SMAD9: variants seen among roughly 807,000 people sequenced by gnomAD.
SMAD9 encodes MAD homolog 9.
In SMAD9, 36 loss-of-function variants were observed where a neutral mutation model predicts 46.1. The ratio of observed to expected loss-of-function variants is 0.78; its 90% CI spans 0.60 to 1.03. The LOEUF is 1.03. Among genes scored for constraint, SMAD9 ranks in the 50% least tolerant of loss-of-function variants. SMAD9 has a pLI of 0.00. For synonymous variants in SMAD9, 245 were observed against 237.1 expected, an observed-to-expected ratio of 1.03 and a Z score of -0.31; for missense variants, 572 against 599.8, an observed-to-expected ratio of 0.95 and a Z score of 0.48.
intron 1 of SMAD9, among the ~76,000 whole-genome samples, chr13:36,884,025 G>A (rs1046956868): frequency 6.6e-6 from 1 of 152,110 alleles, no homozygotes; most frequent in African/African-American, 2.4e-5. Flanking sequence ...TGTCACATGG[G>A]ATCTCAAGAC....
intron 1 of SMAD9, among the ~76,000 whole-genome samples, chr13:36,898,399 C>A (rs2058546874): frequency 6.6e-6 from 1 of 151,814 alleles, no homozygotes. Flanking sequence ...GCAAACAGTT[C>A]CCAAATAATT....
rs2058388118 is a variant in SMAD9 at position 36,879,926 on chromosome 13, A to G, written c.-186-51T>C. Reference sequence around the variant, plus strand: ...TAGCTTAATCGGAGTAACATTCAGAAAAAGTTGAAGTTGGATAGAAAGAGG... The same window carrying G: ...TAGCTTAATCGGAGTAACATTCAGAGAAAGTTGAAGTTGGATAGAAAGAGG... On this transcript the variant is annotated intron_variant, in intron 1 of 6. Transcript: ENST00000379826. 4 of 557,098 alleles carry G rather than the reference A, an allele frequency of 7.2e-6. No homozygotes were observed. The South Asian group carries it at 8.3e-5, about 12-fold the overall frequency. 34.5% of individuals were successfully genotyped at this position (557,098 alleles called of 1,614,324 possible).
rs76296599 is a variant in SMAD9 at position 36,869,935 on chromosome 13, G to C, written c.671-2552C>G. ...CTGAATTGTACATTTGAAATGGGTG[G>C]TTGTATGGTATGTGAATTATACCTC... On this transcript the variant is annotated intron_variant, in intron 3 of 6. Coordinates refer to ENST00000379826, the MANE Select transcript of SMAD9 (RefSeq NM_001127217.3). Among the ~76,000 whole-genome samples the C allele has an allele frequency of 9.2e-3, 1,398 of 152,268 alleles. 10 individuals are homozygous for C. The highest frequency in any genetic ancestry group is 0.012 in the Non-Finnish European group (797 of 68,012).
Position 36,857,970 on chromosome 13 carries a change from T to C in SMAD9, c.1004-4295A>G, listed in dbSNP as rs749984536. On this transcript the variant is annotated intron_variant, in intron 5 of 6. Coordinates refer to ENST00000379826, the MANE Select transcript of SMAD9 (RefSeq NM_001127217.3). The stretch of plus-strand genomic sequence containing the variant: ...ATATATATATTTCTGAGTGTAATAA[T>C]GGTATTATTTCTTATATAGTTAGAT... Among the ~76,000 whole-genome samples the C allele has an allele frequency of 2.4e-4, 36 of 152,314 alleles. No homozygotes were observed. The Middle Eastern group carries it at 0.02, about 86-fold the overall frequency.
rs929655129 is a variant in SMAD9, at chr13:36,876,307, A to G, written c.412+2971T>C. Among the ~76,000 whole-genome samples, 11 of 152,340 alleles carry G rather than the reference A, an allele frequency of 7.2e-5. No homozygotes were observed. In the East Asian group the frequency reaches 2.1e-3, roughly 29 times the overall value. On this transcript the variant is annotated intron_variant, in intron 2 of 6. Coordinates refer to ENST00000379826, the MANE Select transcript of SMAD9 (RefSeq NM_001127217.3). ...ATAATATGAATATTTTATATAAAAA[A>G]GAAATTACACTCCTGAAATAACCTC... is the stretch of plus-strand genomic sequence containing the variant.
Position 36,848,888 on chromosome 13 carries a change from G to A in SMAD9, c.1261-69C>T, listed in dbSNP as rs916065785. ...CTCAGCCTCCAGAGCCCCAGGCAGA[G>A]CTCAGCGGGGCACAGAGCCCACACC... On this transcript the variant is annotated intron_variant, in intron 6 of 6. Coordinates refer to ENST00000379826, the MANE Select transcript of SMAD9 (RefSeq NM_001127217.3). 1.1e-5 allele frequency: 16 copies of A among 1,523,616 alleles called. No homozygotes were observed. The African/African-American group carries it at 2.1e-4, about 20-fold the overall frequency. 94.4% of individuals were successfully genotyped at this position (1,523,616 alleles called of 1,614,324 possible).
chr13:36,878,270 A>G (rs1171608043), intron 2 of SMAD9, among the ~76,000 whole-genome samples: 1 of 152,184 alleles, frequency 6.6e-6, no homozygotes, highest in Non-Finnish European at 1.5e-5. Flanking sequence ...TTGAGGGACC[A>G]ATATAAGACA....
chr13:36,876,210 C>A (rs2058344319), intron 2 of SMAD9, among the ~76,000 whole-genome samples: 1 of 152,018 alleles, frequency 6.6e-6, no homozygotes. Context: ...AGTTACAGGG[C>A]ACATGGGCAT....
chr13:36,867,442 T>C, intron 3 of SMAD9, 59 bp from the exon 4 acceptor site: 1 of 1,153,074 alleles, frequency 8.7e-7, no homozygotes, highest in Middle Eastern at 2.0e-4. Context: ...CAAAGACAGT[T>C]GGATCCGACA....
At chr13:36,869,075 C>T (rs1307560657) in intron 3 of SMAD9, among the ~76,000 whole-genome samples, 1 of 151,760 alleles carries the variant, frequency 6.6e-6, no homozygotes, top group Non-Finnish European at 1.5e-5. Flanking sequence ...TTCAGAGAGA[C>T]AGAAAGTAGA....
intron 5 of SMAD9, among the ~76,000 whole-genome samples, chr13:36,864,705 T>C (rs1000848851): frequency 6.6e-6 from 1 of 152,096 alleles, no homozygotes; most frequent in African/African-American, 2.4e-5. Context: ...CAGGAGACAT[T>C]TTGAAGGTAT....
chr13:36,853,044 T>C (rs1194691191), intron 6 of SMAD9, among the ~76,000 whole-genome samples: 1 of 152,224 alleles, frequency 6.6e-6, no homozygotes, highest in African/African-American at 2.4e-5. Context: ...CCCAGCACTT[T>C]GGGAGGCCAA....
At position 36,888,402 on chromosome 13, in the gene SMAD9, C is replaced by T. The variant is rs534366743; in HGVS notation, c.-186-8527G>A. On this transcript the variant is annotated intron_variant, in intron 1 of 6. Transcript: ENST00000379826. ...CTGCGATGATTGTAAATTTCCCTTT[C>T]GAGGCTCCCCAGCTATGTGAAACTG... is the stretch of plus-strand genomic sequence containing the variant. Among the ~76,000 whole-genome samples, 61 of 152,278 alleles carry T rather than the reference C, an allele frequency of 4.0e-4. 1 individual carries two copies. In the South Asian group the frequency reaches 8.5e-3, roughly 21 times the overall value.
At chr13:36,878,311 T>C (rs1216131618) in intron 2 of SMAD9, among the ~76,000 whole-genome samples, 1 of 152,190 alleles carries the variant, frequency 6.6e-6, no homozygotes, top group Non-Finnish European at 1.5e-5. Flanking sequence ...TACTGTACTT[T>C]TGCTGTACCT....
At chr13:36,910,068 G>A (rs1156365698) in intron 1 of SMAD9, among the ~76,000 whole-genome samples, 5 of 151,996 alleles carry the variant, frequency 3.3e-5, no homozygotes, top group Admixed American at 6.5e-5. Flanking sequence ...GTGGTGGCGG[G>A]CGCCTGTAGT....
In SMAD9 at chr13:36,917,417, A is replaced by G. The variant is rs536518994; in HGVS notation, c.-187+2699T>C. On this transcript the variant is annotated intron_variant, in intron 1 of 6. Transcript: ENST00000379826. Reference sequence around the variant, plus strand: ...TGTTTGCATTTTTTTTTTTTGCTTTAGAATAACTTTTCAACCCACTAGCAA... The same window carrying G: ...TGTTTGCATTTTTTTTTTTTGCTTTGGAATAACTTTTCAACCCACTAGCAA... Among the ~76,000 whole-genome samples, 77 of 145,336 alleles carry G rather than the reference A, an allele frequency of 5.3e-4. 1 individual carries two copies. The highest frequency in any genetic ancestry group is 1.8e-3 in the African/African-American group (70 of 39,016).
intron 5 of SMAD9, among the ~76,000 whole-genome samples, chr13:36,857,248 T>C (rs1293571382): frequency 6.6e-6 from 1 of 152,212 alleles, no homozygotes; most frequent in African/African-American, 2.4e-5. Flanking sequence ...AATATGTTCA[T>C]TATTGTAATT....
intron 1 of SMAD9, among the ~76,000 whole-genome samples, chr13:36,890,786 CCTTT>C: frequency 6.6e-6 from 1 of 152,072 alleles, no homozygotes; most frequent in South Asian, 2.1e-4. Flanking sequence ...ACCCTCTCTC[CCTTT>C]CTCTCACCCC....
At chr13:36,906,735 CA>C (rs1246806672) in intron 1 of SMAD9, among the ~76,000 whole-genome samples, 2 of 152,006 alleles carry the variant, frequency 1.3e-5, no homozygotes, top group Non-Finnish European at 2.9e-5. Context: ...CTCTTGTTAA[CA>C]AAACAGAAAA....
Sources: gnomAD v4.1 joint callset for allele counts (sites outside exome capture counted in the v4.1 genomes callset) on GRCh38, gnomAD v4.1.1 for gene constraint, MANE v1.5 for transcripts, NCBI Gene and HGNC (gene_info 2026-07-23, HGNC 2026-07-21) for gene names.